Variants in SVEP1 observed in about 807,000 individuals in gnomAD.
SVEP1 encodes the protein sushi, von Willebrand factor type A, EGF and pentraxin domain containing 1, also known as sushi, von Willebrand factor type A, EGF and pentraxin domain-containing protein 1.
A neutral mutation model predicts 367.3 loss-of-function variants in SVEP1; 164 were observed. That is an observed-to-expected ratio of 0.45 (90% confidence interval 0.39 to 0.51). SVEP1 has a LOEUF of 0.51. SVEP1 is among the 20% of genes least tolerant of loss of function. SVEP1 has a pLI of 0.00. For missense variants in SVEP1, 4,117 were observed against 4,425.3 expected (o/e 0.93, Z 1.98); for synonymous variants, 1,666 against 1,611.6 (o/e 1.03, Z -0.81).
At chr9:110,443,509 G>A (rs1822598670) in intron 27 of SVEP1, 36 bp downstream of exon 27, 2 of 1,521,810 alleles carry the variant, frequency 1.3e-6, no homozygotes, top group South Asian at 1.3e-5. Context: ...CACCTCTAGA[G>A]TCCAACAGAA....
chr9:110,397,922 G>A (rs766650022), intron 40 of SVEP1, among the ~76,000 whole-genome samples: 36 of 151,662 alleles, frequency 2.4e-4, no homozygotes, highest in Non-Finnish European at 4.4e-4. Context: ...GCTGCCCAAG[G>A]TAATTTATAG....
intron 5 of SVEP1, among the ~76,000 whole-genome samples, chr9:110,511,640 G>A (rs867085814): frequency 6.6e-6 from 1 of 150,704 alleles, no homozygotes; most frequent in Middle Eastern, 3.2e-3. Flanking sequence ...TTTCTTTTCT[G>A]TCAGGTCTCT....
chr9:110,370,349 A>AATG (rs1223017329), intron 46 of SVEP1, among the ~76,000 whole-genome samples: 2 of 152,096 alleles, frequency 1.3e-5, no homozygotes, highest in African/African-American at 4.8e-5. Context: ...TGACACTTTG[A>AATG]ATGTTTTGAA....
intron 36 of SVEP1, among the ~76,000 whole-genome samples, chr9:110,416,863 T>C (rs1341242073): frequency 1.3e-5 from 2 of 152,182 alleles, no homozygotes; most frequent in East Asian, 1.9e-4. Flanking sequence ...TGGAGGACTG[T>C]TCTGTACATT....
Position 110,393,451 on chromosome 9 carries a change from A to G in SVEP1, c.9823-3864T>C, listed in dbSNP as rs111731798. On this transcript the variant is annotated intron_variant, in intron 40 of 47. Coordinates refer to ENST00000374469, the MANE Select transcript of SVEP1 (RefSeq NM_153366.4). ...CTACAGCTCCCAGCGTGAGCGACGC[A>G]GAAGACGGGTGATTTCTGCATTTCC... Among the ~76,000 whole-genome samples, 1,431 of 152,324 alleles carry G rather than the reference A, an allele frequency of 9.4e-3. 20 individuals carry two copies. Among genetic ancestry groups the G allele is most frequent in the African/African-American group, 0.033 (1,365 of 41,566 alleles).
chr9:110,525,331 G>T (rs1288278572), intron 3 of SVEP1, among the ~76,000 whole-genome samples: 3 of 152,018 alleles, frequency 2.0e-5, no homozygotes, highest in Non-Finnish European at 4.4e-5. Context: ...TGTGGACAAT[G>T]AAATTAAAAA....
intron 46 of SVEP1, among the ~76,000 whole-genome samples, chr9:110,374,971 A>G (rs1045160895): frequency 5.5e-5 from 8 of 145,958 alleles, no homozygotes; most frequent in African/African-American, 2.0e-4. Flanking sequence ...TTTTTTTTTC[A>G]TTTTAACTTA....
At chr9:110,527,026 A>T (rs368424855) in intron 3 of SVEP1, among the ~76,000 whole-genome samples, 5 of 152,226 alleles carry the variant, frequency 3.3e-5, no homozygotes, top group African/African-American at 1.2e-4. Context: ...TTAAAGGTGG[A>T]GGCGGTGGCT....
chr9:110,371,669 C>G (rs1827278072), intron 46 of SVEP1, among the ~76,000 whole-genome samples: 1 of 152,146 alleles, frequency 6.6e-6, no homozygotes, highest in Non-Finnish European at 1.5e-5. Flanking sequence ...CAGTAAATGG[C>G]AACACCTTCC....
At chr9:110,464,404 G>A (rs1190200676) in intron 18 of SVEP1, among the ~76,000 whole-genome samples, 3 of 152,184 alleles carry the variant, frequency 2.0e-5, no homozygotes, top group Non-Finnish European at 4.4e-5. Flanking sequence ...AACAGATGGA[G>A]TATATATAAA....
intron 3 of SVEP1, among the ~76,000 whole-genome samples, chr9:110,524,780 C>T (rs754735438): frequency 3.3e-5 from 5 of 151,620 alleles, no homozygotes; most frequent in Admixed American, 6.6e-5. Context: ...GGCACAATCA[C>T]AGCTCACTGC....
rs1186932338 is a variant in SVEP1, at chr9:110,468,950, A to G, written c.3150T>C (p.Ser1050=). Residue 1050 remains serine, a synonymous_variant, in exon 17 of 48, where the codon TCT becomes TCC. Transcript: ENST00000374469. ...YTEYIHSRNI[S]DCKAQCKQGT... The stretch of plus-strand genomic sequence containing the variant: ...CCAGTAAGCCTCTACCTTTACAATC[A>G]GAGATGTTTCTTGAATGGATATATT... The G allele has an allele frequency of 6.9e-6, 11 of 1,592,524 alleles. No individual in the cohort carries two copies. The highest frequency in any genetic ancestry group is 9.4e-6 in the Non-Finnish European group (11 of 1,167,774).
At chr9:110,416,194 G>T (rs1273802220) in intron 36 of SVEP1, among the ~76,000 whole-genome samples, 1 of 151,266 alleles carries the variant, frequency 6.6e-6, no homozygotes, top group African/African-American at 2.4e-5. Flanking sequence ...AAACTGCAAG[G>T]GTAGAGCACC....
At chr9:110,516,270 T>C (rs936280588) in intron 3 of SVEP1, among the ~76,000 whole-genome samples, 1 of 151,192 alleles carries the variant, frequency 6.6e-6, no homozygotes, top group African/African-American at 2.4e-5. Flanking sequence ...AAAAAAATCA[T>C]ATTGAAAGGT....
At chr9:110,517,379 C>T (rs1829818353) in intron 3 of SVEP1, among the ~76,000 whole-genome samples, 1 of 151,918 alleles carries the variant, frequency 6.6e-6, no homozygotes, top group Non-Finnish European at 1.5e-5. Context: ...GGGTGGATCA[C>T]CTGAGGTCAG....
chr9:110,496,051 C>T (rs1829441236), intron 8 of SVEP1, among the ~76,000 whole-genome samples: 1 of 152,140 alleles, frequency 6.6e-6, no homozygotes, highest in South Asian at 2.1e-4. Context: ...ACAACAAATC[C>T]ATAGAATGAA....
chr9:110,429,630 CT>C (rs1293040609), intron 34 of SVEP1, among the ~76,000 whole-genome samples: 1 of 152,074 alleles, frequency 6.6e-6, no homozygotes, highest in African/African-American at 2.4e-5. Context: ...TAGTCTGTTT[CT>C]GAGACATCAA....
intron 18 of SVEP1, among the ~76,000 whole-genome samples, chr9:110,465,161 A>AC (rs1294590270): frequency 1.3e-5 from 2 of 152,102 alleles, no homozygotes; most frequent in Non-Finnish European, 2.9e-5. Flanking sequence ...CCCTCCCCAG[A>AC]CCTACCGAAT....
chr9:110,494,444 A>C (rs1313434676), intron 8 of SVEP1, among the ~76,000 whole-genome samples: 2 of 152,208 alleles, frequency 1.3e-5, no homozygotes, highest in Non-Finnish European at 2.9e-5. Flanking sequence ...GGAAAGAACT[A>C]TTGGTATACC....
Sources: gnomAD v4.1 joint callset for allele counts (sites outside exome capture counted in the v4.1 genomes callset) on GRCh38, gnomAD v4.1.1 for gene constraint, MANE v1.5 for transcripts, NCBI Gene and HGNC (gene_info 2026-07-23, HGNC 2026-07-21) for gene names.